Variants in SSBP3 observed in about 807,000 individuals in gnomAD.
SSBP3 encodes the protein single stranded DNA binding protein 3, also known as single-stranded DNA-binding protein 3.
In SSBP3, 5 loss-of-function variants were observed where a neutral mutation model predicts 69.6. The ratio of observed to expected loss-of-function variants is 0.07; its 90% CI spans 0.04 to 0.15. The LOEUF (loss-of-function observed/expected upper bound fraction) is 0.15, where lower values mean the gene tolerates loss of function less well. Among genes scored for constraint, SSBP3 ranks in the 10% least tolerant of loss-of-function variants. The pLI, the probability that SSBP3 is intolerant of heterozygous loss-of-function variation, is 1.00. For missense variants in SSBP3, 312 were observed against 534.0 expected (o/e 0.58, Z 4.10); for synonymous variants, 196 against 193.4 (o/e 1.01, Z -0.11).
chr1:54,398,195 T>C (rs985068424), intron 4 of SSBP3, among the ~76,000 whole-genome samples: 1 of 152,102 alleles, frequency 6.6e-6, no homozygotes, highest in East Asian at 1.9e-4. Context: ...TCCTCATCTG[T>C]AAAATGGGAG....
chr1:54,329,132 G>A (rs2100436401), intron 4 of SSBP3, among the ~76,000 whole-genome samples: 1 of 152,302 alleles, frequency 6.6e-6, no homozygotes, highest in East Asian at 1.9e-4. Context: ...GGAAGGAAGG[G>A]GGTTTGAGTC....
At chr1:54,320,561 G>A (rs777948463) in intron 4 of SSBP3, among the ~76,000 whole-genome samples, 5 of 152,060 alleles carry the variant, frequency 3.3e-5, no homozygotes, top group Non-Finnish European at 5.9e-5. Flanking sequence ...CTCGTGATCC[G>A]CCCACCTCAG....
chr1:54,264,190 T>TA (rs1645063233), intron 5 of SSBP3, among the ~76,000 whole-genome samples: 1 of 151,872 alleles, frequency 6.6e-6, no homozygotes, highest in Non-Finnish European at 1.5e-5. Context: ...TGGCCCCAGT[T>TA]ACTCAGGAGA....
exon 1 of SSBP3, chr1:54,406,036 T>TCGCCGCCGCCAC: frequency 7.5e-7 from 1 of 1,329,340 alleles, no homozygotes; most frequent in South Asian, 1.4e-5. Flanking sequence ...GCGCCGAGCC[T>TCGCCGCCGCCAC]CGCCGCCGCC....
At chr1:54,390,617 T>C (rs948202958) in intron 4 of SSBP3, among the ~76,000 whole-genome samples, 3 of 152,228 alleles carry the variant, frequency 2.0e-5, no homozygotes, top group Non-Finnish European at 2.9e-5. Flanking sequence ...CTAACTCAAA[T>C]TGTATTGGCT....
intron 4 of SSBP3, among the ~76,000 whole-genome samples, chr1:54,401,351 G>A (rs1649278530): frequency 6.6e-6 from 1 of 151,718 alleles, no homozygotes; most frequent in Non-Finnish European, 1.5e-5. Context: ...CGTCTTAGCA[G>A]ATACAGTATG....
chr1:54,351,172 T>C (rs1356859956), intron 4 of SSBP3, among the ~76,000 whole-genome samples: 1 of 151,980 alleles, frequency 6.6e-6, no homozygotes, highest in Non-Finnish European at 1.5e-5. Context: ...CAGAAGAAGA[T>C]GATGTGAAAA....
At chr1:54,322,788 C>A (rs867521424) in intron 4 of SSBP3, among the ~76,000 whole-genome samples, 1 of 152,140 alleles carries the variant, frequency 6.6e-6, no homozygotes, top group Non-Finnish European at 1.5e-5. Flanking sequence ...TCCACTTATG[C>A]GTCAGGTGTT....
intron 4 of SSBP3, among the ~76,000 whole-genome samples, chr1:54,390,551 C>T (rs1557587278): frequency 6.6e-6 from 1 of 152,216 alleles, no homozygotes; most frequent in African/African-American, 2.4e-5. Flanking sequence ...CCCTATTCCA[C>T]GCATTAGCTC....
chr1:54,282,557 C>G (rs1645414775), intron 4 of SSBP3, among the ~76,000 whole-genome samples: 1 of 152,236 alleles, frequency 6.6e-6, no homozygotes, highest in Non-Finnish European at 1.5e-5. Flanking sequence ...CTCTCCCCAG[C>G]CTGGCCTCCT....
intron 10 of SSBP3, 134 bp downstream of exon 10, chr1:54,243,101 C>G: frequency 2.4e-6 from 2 of 817,862 alleles, no homozygotes; most frequent in Non-Finnish European, 4.2e-6. Flanking sequence ...TCAATATCCT[C>G]ACATTACCGA....
At chr1:54,252,857 T>C (rs1206539841) in intron 7 of SSBP3, among the ~76,000 whole-genome samples, 2 of 152,232 alleles carry the variant, frequency 1.3e-5, no homozygotes, top group African/African-American at 2.4e-5. Context: ...TGGCTGGTCA[T>C]CTTTCCTCAT....
chr1:54,273,580 A>T (rs1405846508), intron 5 of SSBP3, among the ~76,000 whole-genome samples: 1 of 152,154 alleles, frequency 6.6e-6, no homozygotes, highest in Non-Finnish European at 1.5e-5. Flanking sequence ...GGCAAGCAAA[A>T]AAAGGCTTTC....
intron 4 of SSBP3, among the ~76,000 whole-genome samples, chr1:54,308,637 G>A (rs545879061): frequency 1.3e-5 from 2 of 150,506 alleles, no homozygotes; most frequent in South Asian, 2.1e-4. Flanking sequence ...GCGTGGTGGC[G>A]CACACCTGTA....
At chr1:54,232,840 C>T (rs1430454297) in intron 14 of SSBP3, among the ~76,000 whole-genome samples, 2 of 152,216 alleles carry the variant, frequency 1.3e-5, no homozygotes, top group Non-Finnish European at 2.9e-5. Flanking sequence ...GCCTTGGCCT[C>T]CCGAGGTGCC....
At chr1:54,276,981 T>TA (rs1289599187) in intron 5 of SSBP3, among the ~76,000 whole-genome samples, 1 of 152,178 alleles carries the variant, frequency 6.6e-6, no homozygotes, top group Non-Finnish European at 1.5e-5. Context: ...GGGGATGGGT[T>TA]ACCTGTCAGT....
intron 4 of SSBP3, among the ~76,000 whole-genome samples, chr1:54,392,172 C>T (rs931093601): frequency 1.3e-5 from 2 of 152,180 alleles, no homozygotes; most frequent in Non-Finnish European, 2.9e-5. Flanking sequence ...ACAGAGACAA[C>T]GGTACCAAGT....
At chr1:54,323,639 C>T (rs1646252904) in intron 4 of SSBP3, among the ~76,000 whole-genome samples, 1 of 152,180 alleles carries the variant, frequency 6.6e-6, no homozygotes, top group African/African-American at 2.4e-5. Flanking sequence ...TGGGTGGATG[C>T]GGGTGCTTGG....
chr1:54,227,124 G>A (rs200366318), exon 18 of SSBP3: 24 of 1,592,152 alleles, frequency 1.5e-5, no homozygotes, highest in Non-Finnish European at 2.1e-5. Flanking sequence ...TCTCGGAGAA[G>A]GGGGGATCAC....
Sources: allele counts gnomAD v4.1 joint callset (sites outside exome capture counted in the v4.1 genomes callset), GRCh38; gene constraint gnomAD v4.1.1; transcripts MANE v1.5; gene names NCBI Gene and HGNC (gene_info 2026-07-23, HGNC 2026-07-21).